The following CD81 variants were observed in gnomAD, a reference collection of about 807,000 sequenced individuals.
CD81 encodes the protein CD81 molecule.
A neutral mutation model predicts 30.1 loss-of-function variants in CD81; 10 were observed. That is an observed-to-expected ratio of 0.33 (90% CI 0.21 to 0.56). The LOEUF is 0.56. CD81 is among the 20% of genes least tolerant of loss of function. CD81 has a pLI of 0.89. For synonymous variants in CD81, 147 were observed against 126.4 expected, an observed-to-expected ratio of 1.16 and a Z score of -1.10; for missense variants, 263 against 308.7, an observed-to-expected ratio of 0.85 and a Z score of 1.11.
rs2521253 is a variant in CD81, at chr11:2,378,930, C to T, written c.66+1315C>T. 0.57 allele frequency among the ~76,000 whole-genome samples: 86,326 copies of T among 152,128 alleles called. 28,992 individuals are homozygous for T. Among genetic ancestry groups the T allele is most frequent in the Non-Finnish European group, 0.78 (52,672 of 67,962 alleles). On this transcript the variant is annotated intron_variant, in intron 1 of 7. Coordinates refer to ENST00000263645, the MANE Select transcript of CD81 (RefSeq NM_004356.4). This position sits in a 1 kb window ranked among gnomAD's most constrained non-coding sequence, Gnocchi z 4.9. ...AAGGACGGAGGCTGAACTGAACTCT[C>T]AGCTGGGAGATGAGTGGGGCAGTCA...
At chr11:2,379,278 G>T in intron 1 of CD81, 1 of 446,978 alleles carries the variant, frequency 2.2e-6, no homozygotes, top group Non-Finnish European at 4.5e-6. Flanking sequence ...GGAGGGTGTG[G>T]ACCTGGGGGC....
chr11:2,396,351 G>A (rs1473626221), intron 6 of CD81: 3 of 587,296 alleles, frequency 5.1e-6, no homozygotes, highest in South Asian at 4.0e-5. Context: ...CATCAGTGAT[G>A]CTTTAGGGGT....
chr11:2,396,350 T>A (rs1409342629), intron 6 of CD81: 4 of 585,204 alleles, frequency 6.8e-6, no homozygotes, highest in Non-Finnish European at 1.2e-5. Flanking sequence ...TCATCAGTGA[T>A]GCTTTAGGGG....
intron 1 of CD81, chr11:2,385,839 G>A (rs749623166): frequency 5.2e-6 from 3 of 581,294 alleles, no homozygotes; most frequent in Non-Finnish European, 9.4e-6. Context: ...TCAGTTTGGG[G>A]CATTTACAAG....
chr11:2,395,357 G>C lies in CD81; in HGVS notation c.355-59G>C. 2.2e-6 allele frequency: 3 copies of C among 1,376,910 alleles called. No homozygotes were observed. In the South Asian group the frequency reaches 3.5e-5, roughly 16 times the overall value. The allele number at this position is 1,376,910 out of a possible 1,614,324, so 85.3% of individuals were successfully genotyped here. On this transcript the variant is annotated intron_variant, in intron 4 of 7. Transcript: ENST00000263645. The stretch of plus-strand genomic sequence containing the variant: ...AAAGTGCGTCCGCCTGGGGCGGGGC[G>C]GGGTGGGGGCAAGGAGGGGGAGGTT...
intron 1 of CD81, among the ~76,000 whole-genome samples, chr11:2,384,006 C>T (rs562635327): frequency 3.9e-5 from 6 of 152,278 alleles, no homozygotes; most frequent in African/African-American, 1.2e-4. Context: ...TAGGCCTGCC[C>T]GGGCAGCGCC....
At chr11:2,393,571 G>A in intron 2 of CD81, 1 of 383,620 alleles carries the variant, frequency 2.6e-6, no homozygotes, top group East Asian at 4.7e-5. Context: ...AGCCAGCAGG[G>A]CCCCCCCACC....
At chr11:2,380,850 C>T (rs952476885) in intron 1 of CD81, among the ~76,000 whole-genome samples, 1 of 152,218 alleles carries the variant, frequency 6.6e-6, no homozygotes, top group African/African-American at 2.4e-5. Context: ...GGGAGAAGAG[C>T]GGTGTCCCCC....
chr11:2,394,907 GT>G lies in CD81; in HGVS notation c.280-64del, dbSNP rs959070016. ...AGACACGCCTGCTGGGCACCTGGGTGTGTGTCCTTGGGCCCCGCCTACAGCC... is the reference window on the plus strand; with the variant it reads ...AGACACGCCTGCTGGGCACCTGGGTGGTGTCCTTGGGCCCCGCCTACAGCC... On this transcript the variant is annotated intron_variant, in intron 3 of 7. Transcript: ENST00000263645. 5 of 1,441,772 alleles carry G rather than the reference GT, an allele frequency of 3.5e-6. No homozygotes were observed. In the African/African-American group the frequency reaches 5.6e-5, roughly 16 times the overall value. The allele number at this position is 1,441,772 out of a possible 1,614,324, so 89.3% of individuals were successfully genotyped here.
rs1409370757 is a variant in CD81 at position 2,390,412 on chromosome 11, C to A, written c.67C>A (p.Leu23Met). The change falls in exon 2 of 8, where the codon CTG (leucine) becomes ATG (methionine). Residue 23 changes from leucine (L) to methionine (M), a missense_variant and splice_region_variant. By Grantham distance (15) the Leu-to-Met change is conservative. This residue lies in a region of CD81 where 84 missense variants were observed against 98.2 expected (regional missense o/e 0.86). Transcript: ENST00000263645. ...TGACACTGTTCCCGCTCTTTCCCAG[C>A]TGGCTGGAGGCGTGATCCTGGGTGT... The part of the protein sequence containing the change: ...LLFVFNFVFW[L>M]AGGVILGVAL... 2 of 1,611,090 alleles carry A rather than the reference C, an allele frequency of 1.2e-6. No homozygotes were observed. Among genetic ancestry groups the A allele is most frequent in the Non-Finnish European group, 1.7e-6 (2 of 1,178,560 alleles).
intron 6 of CD81, 166 bp from the exon 7 acceptor site, chr11:2,396,462 A>G (rs1326436874): frequency 5.9e-6 from 4 of 677,210 alleles, no homozygotes; most frequent in Non-Finnish European, 1.1e-5. Context: ...AAGCCGGCAG[A>G]GGCCGGGCCG....
intron 1 of CD81, among the ~76,000 whole-genome samples, chr11:2,385,310 TG>T (rs2133448080): frequency 6.6e-6 from 1 of 152,192 alleles, no homozygotes; most frequent in South Asian, 2.1e-4. Flanking sequence ...ACTCCCCAGG[TG>T]CCCCTGGGGC....
intron 2 of CD81, chr11:2,391,441 C>T (rs1245436759): frequency 1.3e-5 from 2 of 152,464 alleles, no homozygotes; most frequent in African/African-American, 4.8e-5. Flanking sequence ...TAGCCCCACA[C>T]CTGCGCCGTC....
chr11:2,387,033 G>A (rs983844082), intron 1 of CD81, among the ~76,000 whole-genome samples: 1 of 152,262 alleles, frequency 6.6e-6, no homozygotes, highest in Non-Finnish European at 1.5e-5. Flanking sequence ...GCAGGTTTGG[G>A]GTTTAGGCTG....
At position 2,397,282 on chromosome 11, in the gene CD81, G is replaced by A. The variant is rs955993856; in HGVS notation, c.*416G>A. 1.1e-4 allele frequency: 30 copies of A among 281,666 alleles called. No homozygotes were observed. The highest frequency in any genetic ancestry group is 1.7e-4 in the Non-Finnish European group (25 of 144,874). The allele number at this position is 281,666 out of a possible 1,614,324, so 17.4% of individuals were successfully genotyped here. ...TCCCTCCTGCCCCGGTTCGAGAGCC[G>A]AGTCTGTGGGCACTCTCTGCCTTCA... is the stretch of plus-strand genomic sequence containing the variant. On this transcript the variant is annotated 3_prime_UTR_variant, in exon 8 of 8. Transcript: ENST00000263645.
intron 6 of CD81, 22 bp from the exon 7 acceptor site, chr11:2,396,606 G>A (rs373009381): frequency 7.5e-6 from 12 of 1,602,712 alleles, no homozygotes; most frequent in Middle Eastern, 1.7e-4. Context: ...CCCTGACCAC[G>A]CGTGCCTGGC....
chr11:2,384,618 A>T, intron 1 of CD81: 1 of 173,048 alleles, frequency 5.8e-6, no homozygotes, highest in Non-Finnish European at 1.3e-5. Context: ...GGCATCTCAG[A>T]GGGCGCCTCC....
At chr11:2,395,255 CG>C in intron 4 of CD81, 160 bp from the exon 5 acceptor site, 1 of 736,146 alleles carries the variant, frequency 1.4e-6, no homozygotes, top group Non-Finnish European at 2.4e-6. Flanking sequence ...CCAGCACTCC[CG>C]GGGCAGCTGA....
At chr11:2,396,479 C>A in intron 6 of CD81, 149 bp from the exon 7 acceptor site, 1 of 750,874 alleles carries the variant, frequency 1.3e-6, no homozygotes. Context: ...GCCGCTGCAC[C>A]CGCCTGTTCC....
Sources: allele counts gnomAD v4.1 joint callset (sites outside exome capture counted in the v4.1 genomes callset), GRCh38; gene constraint gnomAD v4.1.1; regional missense constraint gnomAD v4.1.1; non-coding constraint Gnocchi (gnomAD v3.1); transcripts MANE v1.5; gene names NCBI Gene and HGNC (gene_info 2026-07-23, HGNC 2026-07-21).